The following AMPH variants were observed in gnomAD, a reference collection of about 807,000 sequenced individuals.
AMPH encodes amphiphysin (Stiff-Mann syndrome with breast cancer 128kD autoantigen).
Under a neutral mutation model 99.1 loss-of-function variants are expected in AMPH, and 49 were observed. The observed-to-expected ratio is 0.49, with a 90% CI of 0.39 to 0.63. The LOEUF is 0.63. Among genes scored for constraint, AMPH ranks in the 20% least tolerant of loss-of-function variants. AMPH has a pLI of 0.00. For missense variants in AMPH, 759 were observed against 863.4 expected (o/e 0.88, Z 1.52); for synonymous variants, 314 against 317.3 (o/e 0.99, Z 0.11).
chr7:38,588,958 ACAGT>A (rs1184019326), intron 1 of AMPH, among the ~76,000 whole-genome samples: 2 of 152,284 alleles, frequency 1.3e-5, no homozygotes, highest in Non-Finnish European at 2.9e-5. Flanking sequence ...TGACTACTAC[ACAGT>A]CAAACAAATA....
intron 17 of AMPH, among the ~76,000 whole-genome samples, chr7:38,397,426 T>C (rs750190338): frequency 7.9e-5 from 12 of 152,234 alleles, no homozygotes; most frequent in Non-Finnish European, 1.5e-5. Flanking sequence ...TCACTAAATA[T>C]ACATGTTATC....
intron 1 of AMPH, among the ~76,000 whole-genome samples, chr7:38,548,707 A>G (rs922536739): frequency 1.8e-4 from 28 of 152,210 alleles, no homozygotes; most frequent in African/African-American, 6.7e-4. Flanking sequence ...TGAAATGCAG[A>G]TTTTATAGAT....
intron 19 of AMPH, among the ~76,000 whole-genome samples, chr7:38,390,387 A>C (rs1562720656): frequency 6.6e-6 from 1 of 152,200 alleles, no homozygotes; most frequent in Non-Finnish European, 1.5e-5. Context: ...ATACAATGGC[A>C]ACCAGTTTCT....
chr7:38,384,975 C>G (rs745710428), intron 20 of AMPH, 50 bp from the exon 21 acceptor site: 1 of 1,442,030 alleles, frequency 6.9e-7, no homozygotes, highest in Non-Finnish European at 9.8e-7. Context: ...ACTGGAAAAT[C>G]CACACTGCCA....
intron 1 of AMPH, among the ~76,000 whole-genome samples, chr7:38,559,057 C>T (rs1791467620): frequency 6.6e-6 from 1 of 152,230 alleles, no homozygotes; most frequent in Non-Finnish European, 1.5e-5. Context: ...TCACAAAGGA[C>T]ATGCCCTTTC....
intron 1 of AMPH, among the ~76,000 whole-genome samples, chr7:38,571,330 ATT>A (rs1302457854): frequency 1.4e-5 from 1 of 71,018 alleles, no homozygotes; most frequent in East Asian, 3.0e-4. Flanking sequence ...GAATATATAT[ATT>A]TATATATAGA....
chr7:38,397,572 T>C (rs1464814281), intron 17 of AMPH, among the ~76,000 whole-genome samples: 1 of 152,168 alleles, frequency 6.6e-6, no homozygotes, highest in African/African-American at 2.4e-5. Flanking sequence ...AAAGGAAACA[T>C]TGGGAAAGCT....
intron 1 of AMPH, among the ~76,000 whole-genome samples, chr7:38,621,261 T>C (rs902806890): frequency 2.0e-5 from 3 of 152,256 alleles, no homozygotes; most frequent in African/African-American, 4.8e-5. Flanking sequence ...ATTTTTATCA[T>C]ACATAAGTTA....
At chr7:38,431,501 C>CA (rs1248576555) in intron 13 of AMPH, among the ~76,000 whole-genome samples, 2 of 151,866 alleles carry the variant, frequency 1.3e-5, no homozygotes, top group South Asian at 4.2e-4. Context: ...ACTAAAAATA[C>CA]AAAAATTAGT....
chr7:38,433,879 G>A (rs1367939722), intron 12 of AMPH, among the ~76,000 whole-genome samples: 1 of 152,112 alleles, frequency 6.6e-6, no homozygotes, highest in Non-Finnish European at 1.5e-5. Flanking sequence ...GGATGCGTTA[G>A]CGTGCACAGA....
intron 11 of AMPH, among the ~76,000 whole-genome samples, chr7:38,459,361 A>G (rs916457247): frequency 6.6e-6 from 1 of 152,166 alleles, no homozygotes; most frequent in Non-Finnish European, 1.5e-5. Context: ...AATTTGTATG[A>G]AACCAAAAAA....
intron 5 of AMPH, among the ~76,000 whole-genome samples, chr7:38,488,466 C>G (rs1246835795): frequency 7.3e-6 from 1 of 137,288 alleles, no homozygotes; most frequent in East Asian, 2.1e-4. Flanking sequence ...TAAGTGGGGG[C>G]TGAACAATGA....
intron 11 of AMPH, among the ~76,000 whole-genome samples, chr7:38,444,305 C>T (rs1242982099): frequency 6.6e-6 from 1 of 152,030 alleles, no homozygotes; most frequent in Non-Finnish European, 1.5e-5. Flanking sequence ...TCCCCCACCC[C>T]CCAAATTTCA....
At chr7:38,586,522 G>A (rs992489340) in intron 1 of AMPH, among the ~76,000 whole-genome samples, 2 of 152,118 alleles carry the variant, frequency 1.3e-5, no homozygotes, top group East Asian at 3.9e-4. Flanking sequence ...AGGGCCAATT[G>A]CTAGTGAGTT....
rs1786943048 is a variant in AMPH, at chr7:38,449,953, T to C, written c.1017+11330A>G. On this transcript the variant is annotated intron_variant, in intron 11 of 20. Coordinates refer to ENST00000356264, the MANE Select transcript of AMPH (RefSeq NM_001635.4). ...CCATTTCATGGACTGATTCTGCAAG[T>C]TGAATTCTATTTCAGTTCAATTGGC... 3.3e-5 allele frequency among the ~76,000 whole-genome samples: 5 copies of C among 152,320 alleles called. No individual in the cohort carries two copies. In the South Asian group the frequency reaches 1.0e-3, roughly 32 times the overall value.
chr7:38,543,409 G>A (rs1443366429), intron 1 of AMPH, among the ~76,000 whole-genome samples: 1 of 152,158 alleles, frequency 6.6e-6, no homozygotes, highest in African/African-American at 2.4e-5. Flanking sequence ...TTGTGATGAT[G>A]GGTATGAAAC....
Position 38,526,433 on chromosome 7 carries a change from C to CTTTTTTTTTTT in AMPH, c.150+8487_150+8497dup, listed in dbSNP as rs33974810. Among the ~76,000 whole-genome samples, 2 of 72,580 alleles carry CTTTTTTTTTTT rather than the reference C, an allele frequency of 2.8e-5. 1 individual carries two copies. Among genetic ancestry groups the CTTTTTTTTTTT allele is most frequent in the Non-Finnish European group, 4.6e-5 (2 of 43,312 alleles). The allele number at this position is 72,580 out of a possible 152,430, so 47.6% of individuals were successfully genotyped here. ...TGCAAGCACCCACTACCATGCCCGGCTTTTTTTTTTTTTTTTTTTTTCAGT... is the reference window on the plus strand; with the variant it reads ...TGCAAGCACCCACTACCATGCCCGGCTTTTTTTTTTTTTTTTTTTTTTTTTTTTTTTTCAGT... On this transcript the variant is annotated intron_variant, in intron 2 of 20. Coordinates refer to ENST00000356264, the MANE Select transcript of AMPH (RefSeq NM_001635.4).
chr7:38,475,898 G>A (rs558621336), intron 6 of AMPH, among the ~76,000 whole-genome samples: 1 of 152,196 alleles, frequency 6.6e-6, no homozygotes, highest in East Asian at 1.9e-4. Context: ...TAAAGGAGGG[G>A]GTAAGAAAGA....
chr7:38,511,888 A>C (rs574571684), intron 2 of AMPH, among the ~76,000 whole-genome samples: 1 of 152,324 alleles, frequency 6.6e-6, no homozygotes, highest in East Asian at 1.9e-4. Flanking sequence ...AGAAGCCATT[A>C]TCTTTATTAT....
Sources: gnomAD v4.1 joint callset for allele counts (sites outside exome capture counted in the v4.1 genomes callset) on GRCh38, gnomAD v4.1.1 for gene constraint, MANE v1.5 for transcripts, NCBI Gene and HGNC (gene_info 2026-07-23, HGNC 2026-07-21) for gene names.